FSTL5: variants seen among roughly 807,000 people sequenced by gnomAD.
FSTL5 encodes the protein follistatin-related protein 5.
A neutral mutation model predicts 89.1 loss-of-function variants in FSTL5; 62 were observed. The ratio of observed to expected loss-of-function variants is 0.70; its 90% confidence interval spans 0.57 to 0.86. The LOEUF is 0.86. Among genes scored for constraint, FSTL5 ranks in the 40% least tolerant of loss-of-function variants. The pLI is 0.00. For synonymous variants in FSTL5, 383 were observed against 346.2 expected, an observed-to-expected ratio of 1.11 and a Z score of -1.18; for missense variants, 1,057 against 1,001.6, an observed-to-expected ratio of 1.06 and a Z score of -0.75.
At chr4:161,768,789 G>A (rs11940673) in intron 5 of FSTL5, among the ~76,000 whole-genome samples, 31,761 of 149,172 alleles carry the variant, frequency 0.21, 6,121 homozygotes, top group African/African-American at 0.52. Context: ...TGAATCTCAA[G>A]GAAAAGTAAA....
chr4:161,553,966 C>A (rs967802105), intron 8 of FSTL5, among the ~76,000 whole-genome samples: 3 of 151,264 alleles, frequency 2.0e-5, no homozygotes, highest in Non-Finnish European at 4.4e-5. Context: ...GTTCTTAGAG[C>A]ATCAAATGTA....
intron 15 of FSTL5, among the ~76,000 whole-genome samples, chr4:161,444,556 A>C (rs1342497370): frequency 6.6e-6 from 1 of 151,834 alleles, no homozygotes; most frequent in Non-Finnish European, 1.5e-5. Context: ...GGGAAATTTC[A>C]ACAAATTTTA....
chr4:162,106,897 T>C (rs1403979710), intron 2 of FSTL5, among the ~76,000 whole-genome samples: 2 of 152,218 alleles, frequency 1.3e-5, no homozygotes, highest in South Asian at 2.1e-4. Context: ...AATACTTAAG[T>C]AGCCCCCACC....
intron 6 of FSTL5, among the ~76,000 whole-genome samples, chr4:161,678,648 G>C (rs1737406707): frequency 6.6e-6 from 1 of 151,820 alleles, no homozygotes; most frequent in Non-Finnish European, 1.5e-5. Flanking sequence ...GGTGGAAAAA[G>C]TTTCAGCATG....
intron 10 of FSTL5, among the ~76,000 whole-genome samples, chr4:161,531,789 C>A (rs1395311836): frequency 6.6e-6 from 1 of 152,154 alleles, no homozygotes; most frequent in Non-Finnish European, 1.5e-5. Flanking sequence ...ATACTCATAT[C>A]TGCCTATAGC....
intron 8 of FSTL5, among the ~76,000 whole-genome samples, chr4:161,563,076 G>A (rs780612311): frequency 2.0e-5 from 3 of 151,832 alleles, no homozygotes; most frequent in Admixed American, 6.6e-5. Flanking sequence ...CTGTGTCCCC[G>A]CATTCAAAAG....
rs111410427 is a variant in FSTL5, at chr4:161,942,678, C to T, written c.161-22026G>A. Reference sequence around the variant, plus strand: ...GCCAGAATAACTGTCACACAAATTCCAGGGGGGAAAAAACCCTGCAGACCA... The same window carrying T: ...GCCAGAATAACTGTCACACAAATTCTAGGGGGGAAAAAACCCTGCAGACCA... On this transcript the variant is annotated intron_variant, in intron 3 of 15. Transcript: ENST00000306100. 1.4e-3 allele frequency among the ~76,000 whole-genome samples: 214 copies of T among 152,018 alleles called. 2 individuals carry two copies. The highest frequency in any genetic ancestry group is 4.1e-3 in the Admixed American group (62 of 15,252).
intron 1 of FSTL5, among the ~76,000 whole-genome samples, chr4:162,123,646 C>G (rs1210767503): frequency 6.6e-6 from 1 of 152,070 alleles, no homozygotes; most frequent in African/African-American, 2.4e-5. Context: ...TGAAACCCTG[C>G]AAGAAAACTC....
chr4:161,752,785 A>G (rs988096355), intron 6 of FSTL5, among the ~76,000 whole-genome samples: 2 of 152,162 alleles, frequency 1.3e-5, no homozygotes, highest in African/African-American at 4.8e-5. Flanking sequence ...ATTTGGAGAT[A>G]GGGCCTAAAA....
At chr4:161,557,235 T>A (rs1361639609) in intron 8 of FSTL5, among the ~76,000 whole-genome samples, 2 of 151,384 alleles carry the variant, frequency 1.3e-5, no homozygotes, top group South Asian at 2.1e-4. Context: ...TATATATAAA[T>A]CATAATAAGC....
intron 15 of FSTL5, among the ~76,000 whole-genome samples, chr4:161,452,078 T>C (rs566847897): frequency 1.3e-5 from 2 of 152,342 alleles, no homozygotes; most frequent in Admixed American, 6.5e-5. Flanking sequence ...AAAACTTCTA[T>C]TGAGCCCAAC....
chr4:161,635,355 T>A (rs1735650484), intron 7 of FSTL5, among the ~76,000 whole-genome samples: 1 of 152,168 alleles, frequency 6.6e-6, no homozygotes, highest in Admixed American at 6.5e-5. Flanking sequence ...ATCACTGTAC[T>A]CCAGCCTGGG....
chr4:161,980,062 A>C (rs1012943744), intron 3 of FSTL5, among the ~76,000 whole-genome samples: 1 of 146,954 alleles, frequency 6.8e-6, no homozygotes, highest in African/African-American at 2.6e-5. Flanking sequence ...AAAGAGAAAA[A>C]GAGAAAGAGA....
chr4:161,868,278 T>G (rs546609981), intron 4 of FSTL5, among the ~76,000 whole-genome samples: 1 of 152,190 alleles, frequency 6.6e-6, no homozygotes, highest in Non-Finnish European at 1.5e-5. Context: ...CCTTTCCTCT[T>G]TTTATTTTTT....
At chr4:162,040,503 C>T (rs573961062) in intron 2 of FSTL5, among the ~76,000 whole-genome samples, 52 of 151,756 alleles carry the variant, frequency 3.4e-4, no homozygotes, top group Middle Eastern at 3.4e-3. Context: ...ACTATTTTGG[C>T]GGTGGCAATT....
chr4:161,758,962 T>C (rs1372645503), intron 6 of FSTL5, among the ~76,000 whole-genome samples: 1 of 152,216 alleles, frequency 6.6e-6, no homozygotes, highest in Non-Finnish European at 1.5e-5. Flanking sequence ...CAAAATACCT[T>C]AATAAAAATA....
intron 2 of FSTL5, among the ~76,000 whole-genome samples, chr4:162,077,551 A>C (rs1457354414): frequency 6.6e-6 from 1 of 151,868 alleles, no homozygotes; most frequent in Non-Finnish European, 1.5e-5. Context: ...TGGGGAAAAT[A>C]CAAATCCTGA....
At chr4:161,691,656 G>A (rs1737948269) in intron 6 of FSTL5, among the ~76,000 whole-genome samples, 1 of 152,058 alleles carries the variant, frequency 6.6e-6, no homozygotes, top group Admixed American at 6.5e-5. Context: ...TATAAACAGT[G>A]GATGTCGTTT....
At chr4:161,467,878 A>G (rs1037061454) in intron 13 of FSTL5, among the ~76,000 whole-genome samples, 2 of 152,144 alleles carry the variant, frequency 1.3e-5, no homozygotes, top group African/African-American at 4.8e-5. Flanking sequence ...AGATAAATGT[A>G]TGTATTTTGG....
Sources: allele counts gnomAD v4.1 joint callset (sites outside exome capture counted in the v4.1 genomes callset), GRCh38; gene constraint gnomAD v4.1.1; transcripts MANE v1.5; gene names NCBI Gene and HGNC (gene_info 2026-07-23, HGNC 2026-07-21).